Variants in ST3GAL3 observed in about 807,000 individuals in gnomAD.
The protein encoded by ST3GAL3 is ST3 beta-galactoside alpha-2,3-sialyltransferase 3.
ST3GAL3 carries 21 observed loss-of-function variants against 50.1 expected under a neutral mutation model. The observed-to-expected ratio is 0.42, with a 90% confidence interval of 0.30 to 0.60. The LOEUF (loss-of-function observed/expected upper bound fraction) is 0.60, where lower values mean the gene tolerates loss of function less well. Among genes scored for constraint, ST3GAL3 ranks in the 20% least tolerant of loss-of-function variants. The pLI, the probability that ST3GAL3 is intolerant of heterozygous loss-of-function variation, is 0.19. For synonymous variants in ST3GAL3, 183 were observed against 190.0 expected (o/e 0.96, Z 0.30); for missense variants, 353 against 489.4 (o/e 0.72, Z 2.63).
At chr1:43,825,166 AG>A (rs2154187213) in intron 4 of ST3GAL3, among the ~76,000 whole-genome samples, 2 of 152,352 alleles carry the variant, frequency 1.3e-5, no homozygotes, top group African/African-American at 4.8e-5. Context: ...AAGCAACCTC[AG>A]GCCTGTCACT....
chr1:43,784,792 A>G (rs1236794544), intron 2 of ST3GAL3, among the ~76,000 whole-genome samples: 2 of 152,226 alleles, frequency 1.3e-5, no homozygotes, highest in Non-Finnish European at 2.9e-5. Context: ...ATTGTTGTAC[A>G]GAAATTGTTT....
chr1:43,855,846 G>A (rs2154219174), intron 5 of ST3GAL3, among the ~76,000 whole-genome samples: 1 of 151,986 alleles, frequency 6.6e-6, no homozygotes, highest in East Asian at 1.9e-4. Context: ...AATGAAACGG[G>A]CATTAATAAC....
intron 5 of ST3GAL3, among the ~76,000 whole-genome samples, chr1:43,880,513 G>C (rs937680086): frequency 6.6e-6 from 1 of 151,492 alleles, no homozygotes; most frequent in Admixed American, 6.6e-5. Flanking sequence ...TGTTACGCTG[G>C]CTGTCACCTA....
intron 5 of ST3GAL3, among the ~76,000 whole-genome samples, chr1:43,852,040 C>G (rs2067424360): frequency 6.6e-6 from 1 of 152,156 alleles, no homozygotes; most frequent in Non-Finnish European, 1.5e-5. Flanking sequence ...TTCCCTGAGC[C>G]CACCTAGTCA....
chr1:43,918,010 G>A (rs760503532), intron 9 of ST3GAL3, among the ~76,000 whole-genome samples: 1 of 149,638 alleles, frequency 6.7e-6, no homozygotes, highest in Non-Finnish European at 1.5e-5. Flanking sequence ...ACTTAAAAAT[G>A]TTTATGAAGT....
intron 2 of ST3GAL3, among the ~76,000 whole-genome samples, chr1:43,739,753 C>A (rs1007768788): frequency 1.3e-5 from 2 of 152,140 alleles, no homozygotes; most frequent in Admixed American, 6.5e-5. Flanking sequence ...TTTATGTTTT[C>A]ATTAATTCCA....
chr1:43,738,389 T>A (rs1185826857), intron 2 of ST3GAL3: 1 of 152,224 alleles, frequency 6.6e-6, no homozygotes, highest in Non-Finnish European at 1.5e-5. Flanking sequence ...ATAGGTTGTT[T>A]AGACCATCTG....
intron 11 of ST3GAL3, among the ~76,000 whole-genome samples, chr1:43,926,282 G>C (rs956279774): frequency 2.0e-5 from 3 of 152,256 alleles, no homozygotes; most frequent in East Asian, 1.9e-4. Flanking sequence ...ACGGTTGGGC[G>C]AGGAGCCAAA....
intron 2 of ST3GAL3, among the ~76,000 whole-genome samples, chr1:43,790,513 A>G (rs189042032): frequency 2.6e-5 from 4 of 151,910 alleles, no homozygotes; most frequent in African/African-American, 7.2e-5. Context: ...ATTGAACTCT[A>G]TGTTTAATTT....
intron 2 of ST3GAL3, among the ~76,000 whole-genome samples, chr1:43,784,529 T>C (rs1327342319): frequency 6.6e-6 from 1 of 152,046 alleles, no homozygotes; most frequent in African/African-American, 2.4e-5. Flanking sequence ...AATAAGTAAG[T>C]AAAAATAAAC....
At chr1:43,917,555 A>T (rs1337489002) in intron 9 of ST3GAL3, among the ~76,000 whole-genome samples, 2 of 86,622 alleles carry the variant, frequency 2.3e-5, no homozygotes, top group Admixed American at 2.0e-4. Flanking sequence ...TATTATATAT[A>T]ATATATTATA....
intron 5 of ST3GAL3, among the ~76,000 whole-genome samples, chr1:43,843,344 T>G (rs1005188347): frequency 2.0e-5 from 3 of 152,230 alleles, no homozygotes; most frequent in African/African-American, 7.2e-5. Context: ...TCATATGGCT[T>G]TTCTTTTTTA....
intron 2 of ST3GAL3, among the ~76,000 whole-genome samples, chr1:43,790,225 A>G (rs1419873791): frequency 1.3e-5 from 2 of 152,204 alleles, no homozygotes; most frequent in Non-Finnish European, 2.9e-5. Context: ...GTAGCAGTGA[A>G]TAAAGCAGAT....
chr1:43,751,769 T>G (rs1446215379), intron 2 of ST3GAL3, among the ~76,000 whole-genome samples: 1 of 152,212 alleles, frequency 6.6e-6, no homozygotes, highest in Non-Finnish European at 1.5e-5. Context: ...TGTCCTACTC[T>G]CATGGTCGTT....
At chr1:43,743,822 T>C (rs773438725) in intron 2 of ST3GAL3, 3 of 176,144 alleles carry the variant, frequency 1.7e-5, no homozygotes, top group African/African-American at 2.5e-5. Flanking sequence ...TACTACAGTA[T>C]AGTATTCTCT....
intron 2 of ST3GAL3, among the ~76,000 whole-genome samples, chr1:43,763,766 G>A (rs1691468970): frequency 6.6e-6 from 1 of 152,188 alleles, no homozygotes; most frequent in African/African-American, 2.4e-5. Context: ...CATCAGAGGA[G>A]GCAATGGAGG....
chr1:43,776,179 G>T (rs1697159385), intron 2 of ST3GAL3, among the ~76,000 whole-genome samples: 1 of 152,086 alleles, frequency 6.6e-6, no homozygotes, highest in South Asian at 2.1e-4. Flanking sequence ...ACCCCAAAAA[G>T]AAATCCTGCA....
intron 1 of ST3GAL3, among the ~76,000 whole-genome samples, chr1:43,710,129 T>C (rs1663894948): frequency 6.6e-6 from 1 of 152,140 alleles, no homozygotes; most frequent in Non-Finnish European, 1.5e-5. Context: ...TTGCCCAGGC[T>C]GGAGTGCAGT....
chr1:43,929,697 G>A (rs960861526), intron 11 of ST3GAL3, among the ~76,000 whole-genome samples: 2 of 152,208 alleles, frequency 1.3e-5, no homozygotes, highest in Non-Finnish European at 2.9e-5. Flanking sequence ...CCCCAGGCCT[G>A]GAGAGTAGAT....
Sources: gnomAD v4.1 joint callset for allele counts (sites outside exome capture counted in the v4.1 genomes callset) on GRCh38, gnomAD v4.1.1 for gene constraint, MANE v1.5 for transcripts, NCBI Gene and HGNC (gene_info 2026-07-23, HGNC 2026-07-21) for gene names.